The following PREX2 variants were observed in gnomAD, a reference collection of about 807,000 sequenced individuals.
PREX2 encodes the protein phosphatidylinositol 3,4,5-trisphosphate-dependent Rac exchanger 2 protein.
In PREX2, 107 loss-of-function variants were observed where a neutral mutation model predicts 203.2. The observed-to-expected ratio is 0.53, with a 90% CI of 0.45 to 0.62. The LOEUF is 0.62. Among genes scored for constraint, PREX2 ranks in the 20% least tolerant of loss-of-function variants. The probability of loss-of-function intolerance (pLI) is 0.00; values close to 1 mark genes in which losing one functional copy is unlikely to be tolerated. For synonymous variants in PREX2, 672 were observed against 663.6 expected (o/e 1.01, Z -0.19); for missense variants, 1,777 against 1,955.9 (o/e 0.91, Z 1.72).
chr8:68,081,861 ATTT>A (rs546660073), intron 17 of PREX2, among the ~76,000 whole-genome samples: 1 of 139,564 alleles, frequency 7.2e-6, no homozygotes. Context: ...GGCCCAGCTG[ATTT>A]TTTTTTTTTT....
chr8:67,994,283 G>C (rs1489907921), intron 1 of PREX2, among the ~76,000 whole-genome samples: 3 of 152,180 alleles, frequency 2.0e-5, no homozygotes, highest in African/African-American at 7.2e-5. Flanking sequence ...CGCTTAAGAA[G>C]AGACAGCTTA....
At position 68,235,830 on chromosome 8, in the gene PREX2, G is replaced by T. The variant is rs1813255229; in HGVS notation, c.*4452G>T. The T allele has an allele frequency of 6.6e-6, 1 of 152,104 alleles. No individual in the cohort carries two copies. The highest frequency in any genetic ancestry group is 1.5e-5 in the Non-Finnish European group (1 of 68,018). The allele number at this position is 152,104 out of a possible 1,614,324, so 9.4% of individuals were successfully genotyped here. A position where few individuals can be genotyped will look rare whatever the true frequency, so the allele number is the denominator to read the frequency against. ...TCAGCATTCATACTGCCAACAGTCT[G>T]CTGGTCATACATGGAAGACTGTTAA... On this transcript the variant is annotated 3_prime_UTR_variant, in exon 40 of 40. Transcript: ENST00000288368.
chr8:68,115,858 G>T lies in PREX2; in HGVS notation c.3252G>T (p.Arg1084=). The T allele has an allele frequency of 6.2e-7, 1 of 1,613,858 alleles. No individual in the cohort carries two copies. The highest frequency in any genetic ancestry group is 8.5e-7 in the Non-Finnish European group (1 of 1,179,906). The change falls in exon 26 of 40, where the codon CGG becomes CGT. Residue 1084 remains arginine (R), a synonymous_variant. Transcript: ENST00000288368. ...DNEKGERNSK[R]VCFNVAGDEQ... ...AGAAGGGAGAAAGAAACAGCAAACG[G>T]GTATGTTTTAATGTAGCAGGAGATG...
chr8:68,021,989 C>A, intron 3 of PREX2, 47 bp from the exon 4 acceptor site: 1 of 918,744 alleles, frequency 1.1e-6, no homozygotes, highest in Non-Finnish European at 1.8e-6. Flanking sequence ...GTTAAAATTG[C>A]AGAATGGTGA....
chr8:68,009,701 A>G (rs1236876588), intron 1 of PREX2, among the ~76,000 whole-genome samples: 1 of 152,218 alleles, frequency 6.6e-6, no homozygotes, highest in Non-Finnish European at 1.5e-5. Flanking sequence ...GTTTATTTCC[A>G]TCTGACATTA....
At chr8:67,979,377 G>A (rs1806201619) in intron 1 of PREX2, among the ~76,000 whole-genome samples, 1 of 152,142 alleles carries the variant, frequency 6.6e-6, no homozygotes, top group East Asian at 1.9e-4. Flanking sequence ...TTCCCTTTTT[G>A]TTGCTTTTTT....
chr8:68,008,291 G>A (rs563369951), intron 1 of PREX2, among the ~76,000 whole-genome samples: 109 of 152,282 alleles, frequency 7.2e-4, no homozygotes, highest in African/African-American at 2.5e-3. Flanking sequence ...GTCCGTATCA[G>A]CCCAGCACTA....
At chr8:68,131,364 T>C (rs1014532526) in intron 31 of PREX2, among the ~76,000 whole-genome samples, 3 of 152,212 alleles carry the variant, frequency 2.0e-5, no homozygotes, top group Non-Finnish European at 2.9e-5. Flanking sequence ...ATTCATCTAC[T>C]CTCTGCTGAA....
At chr8:67,953,179 C>T (rs1232818093) in intron 1 of PREX2, among the ~76,000 whole-genome samples, 1 of 127,354 alleles carries the variant, frequency 7.9e-6, no homozygotes, top group African/African-American at 3.0e-5. Flanking sequence ...CCCTCCCCCC[C>T]GCCCCCCGCC....
Position 68,080,802 on chromosome 8 carries a change from A to C in PREX2, c.1842A>C (p.Pro614=). ...GFGLEDKNKV[P]IIKLVEKGSN... ...GATTAGAAGACAAAAATAAAGTTCC[A>C]ATAATAAAGTTGGTAGAAAAGGGAT... The change falls in exon 17 of 40, where the codon CCA becomes CCC. Residue 614 remains proline (P), a synonymous_variant. Transcript: ENST00000288368. 2 of 1,560,404 alleles carry C rather than the reference A, an allele frequency of 1.3e-6. No homozygotes were observed. Among genetic ancestry groups the C allele is most frequent in the Non-Finnish European group, 1.8e-6 (2 of 1,136,550 alleles).
chr8:68,161,996 G>T (rs1811665092), intron 35 of PREX2, among the ~76,000 whole-genome samples: 1 of 152,212 alleles, frequency 6.6e-6, no homozygotes, highest in Non-Finnish European at 1.5e-5. Flanking sequence ...GAGAGAGCAT[G>T]TGCAGGGGAA....
chr8:68,093,340 A>G (rs1809943470), intron 20 of PREX2, among the ~76,000 whole-genome samples: 1 of 148,036 alleles, frequency 6.8e-6, no homozygotes, highest in South Asian at 2.2e-4. Flanking sequence ...TGGTGAGTCG[A>G]GACTGCACCA....
At chr8:68,132,065 G>A (rs756707169) in intron 31 of PREX2, among the ~76,000 whole-genome samples, 8 of 152,146 alleles carry the variant, frequency 5.3e-5, no homozygotes, top group Non-Finnish European at 1.2e-4. Context: ...GCACACTGGA[G>A]CTAACAAGCT....
intron 26 of PREX2, among the ~76,000 whole-genome samples, chr8:68,117,120 A>G (rs1308335815): frequency 6.6e-6 from 1 of 152,258 alleles, no homozygotes; most frequent in Non-Finnish European, 1.5e-5. Context: ...CAAAGTTCTC[A>G]TCAGAGTATA....
chr8:67,953,064 G>C (rs1805397954), intron 1 of PREX2, among the ~76,000 whole-genome samples: 1 of 152,106 alleles, frequency 6.6e-6, no homozygotes, highest in Non-Finnish European at 1.5e-5. Flanking sequence ...TTGAGACAGA[G>C]GATTCTGGTG....
intron 31 of PREX2, among the ~76,000 whole-genome samples, chr8:68,129,268 G>A (rs1810955847): frequency 6.6e-6 from 1 of 152,144 alleles, no homozygotes; most frequent in Non-Finnish European, 1.5e-5. Context: ...GCCAATTCCG[G>A]AGGTGATTCT....
chr8:68,105,318 C>T (rs749366552), intron 23 of PREX2: 6 of 1,367,598 alleles, frequency 4.4e-6, no homozygotes, highest in Non-Finnish European at 5.9e-6. Flanking sequence ...TCCTGAGGAC[C>T]TTCCTTCTCA....
intron 31 of PREX2, among the ~76,000 whole-genome samples, chr8:68,130,619 G>A (rs889848143): frequency 1.3e-5 from 2 of 152,148 alleles, no homozygotes; most frequent in Non-Finnish European, 2.9e-5. Flanking sequence ...TAAGAAGGAG[G>A]AATGAACCCC....
chr8:67,979,256 A>G, intron 1 of PREX2, among the ~76,000 whole-genome samples: 1 of 152,194 alleles, frequency 6.6e-6, no homozygotes, highest in Non-Finnish European at 1.5e-5. Context: ...TTAGGGCACT[A>G]TTCTTCTTTT....
Sources: allele counts gnomAD v4.1 joint callset (sites outside exome capture counted in the v4.1 genomes callset), GRCh38; gene constraint gnomAD v4.1.1; transcripts MANE v1.5; gene names NCBI Gene and HGNC (gene_info 2026-07-23, HGNC 2026-07-21).